Variants in SMOC2 observed in about 807,000 individuals in gnomAD.
The protein encoded by SMOC2 is SPARC related modular calcium binding 2, also known as SPARC-related modular calcium-binding protein 2.
SMOC2 carries 39 observed loss-of-function variants against 61.4 expected under a neutral mutation model. That is an observed-to-expected ratio of 0.64 (90% CI 0.49 to 0.83). The LOEUF is 0.83. SMOC2 is among the 40% of genes least tolerant of loss of function. SMOC2 has a pLI of 0.00. For synonymous variants in SMOC2, 247 were observed against 239.9 expected (o/e 1.03, Z -0.27); for missense variants, 556 against 592.9 (o/e 0.94, Z 0.65).
chr6:168,492,723 A>T (rs894931268), intron 1 of SMOC2, among the ~76,000 whole-genome samples: 2 of 152,226 alleles, frequency 1.3e-5, no homozygotes, highest in Admixed American at 6.5e-5. Flanking sequence ...GTCTCACAGG[A>T]CAAAATGTGG....
chr6:168,553,367 AC>A lies in SMOC2; in HGVS notation c.637+4165del, dbSNP rs1784174112. On this transcript the variant is annotated intron_variant, in intron 7 of 12. Transcript: ENST00000356284. The surrounding 1 kb of genome is among the most constrained non-coding windows in gnomAD (Gnocchi z 4.2). ...TACTCTTTTCATAGAAGATACATAA[AC>A]TAGTTACAAGATTTTATCAGATAAG... Among the ~76,000 whole-genome samples, 1 of 152,210 alleles carries A rather than the reference AC, an allele frequency of 6.6e-6. No homozygotes were observed. The highest frequency in any genetic ancestry group is 1.5e-5 in the Non-Finnish European group (1 of 68,032).
At chr6:168,447,176 C>T (rs1430999769) in intron 1 of SMOC2, among the ~76,000 whole-genome samples, 1 of 152,148 alleles carries the variant, frequency 6.6e-6, no homozygotes, top group Non-Finnish European at 1.5e-5. Flanking sequence ...AAGCGATTCC[C>T]CTGCCTCAGC....
At chr6:168,600,644 C>T (rs552446944) in intron 8 of SMOC2, among the ~76,000 whole-genome samples, 1 of 152,274 alleles carries the variant, frequency 6.6e-6, no homozygotes, top group African/African-American at 2.4e-5. Flanking sequence ...GCATCAAATA[C>T]CAGTGGCAGC....
intron 7 of SMOC2, among the ~76,000 whole-genome samples, chr6:168,550,013 G>A (rs963486868): frequency 7.9e-5 from 12 of 152,192 alleles, no homozygotes; most frequent in Non-Finnish European, 1.3e-4. Context: ...ACATTTTGAA[G>A]ACCAGTAATG....
In SMOC2 at chr6:168,500,994, G is replaced by A. The variant is rs937610162; in HGVS notation, c.85-8921G>A. Among the ~76,000 whole-genome samples the A allele has an allele frequency of 2.5e-4, 38 of 152,192 alleles. 1 individual carries two copies. Among genetic ancestry groups the A allele is most frequent in the Non-Finnish European group, 5.1e-4 (35 of 68,034 alleles). On this transcript the variant is annotated intron_variant, in intron 1 of 12. Transcript: ENST00000356284. ...GAGTGGGCATTGCTTATGAGAGGGG[G>A]AAGTTCAGCTGTGTTACAGTATTTC...
intron 7 of SMOC2, among the ~76,000 whole-genome samples, chr6:168,586,328 T>A (rs1053749134): frequency 6.6e-6 from 1 of 152,230 alleles, no homozygotes; most frequent in Non-Finnish European, 1.5e-5. Context: ...ATAAGCTTTT[T>A]ATTCTTTTCC....
rs569480863 is a variant in SMOC2, at chr6:168,667,867, C to G, written c.*1429C>G. ...AGCCTTTGGAGCCACAGAACCAGCT[C>G]AAGTACATGCCAATGTTGTTTAAGA... On this transcript the variant is annotated 3_prime_UTR_variant, in exon 13 of 13. Coordinates refer to ENST00000356284, the MANE Select transcript of SMOC2 (RefSeq NM_001166412.2). The G allele has an allele frequency of 1.3e-5, 2 of 152,296 alleles. No homozygotes were observed. Among genetic ancestry groups the G allele is most frequent in the South Asian group, 4.1e-4 (2 of 4,830 alleles). The allele number at this position is 152,296 out of a possible 1,614,324, so 9.4% of individuals were successfully genotyped here. A position where few individuals can be genotyped will look rare whatever the true frequency, so the allele number is the denominator to read the frequency against.
chr6:168,532,008 G>A (rs1262510195), intron 4 of SMOC2, among the ~76,000 whole-genome samples: 2 of 152,168 alleles, frequency 1.3e-5, no homozygotes, highest in African/African-American at 4.8e-5. Context: ...ACAAGAAGCC[G>A]GCTCTCGGAG....
intron 2 of SMOC2, among the ~76,000 whole-genome samples, chr6:168,510,349 G>A (rs185314671): frequency 6.6e-6 from 1 of 152,122 alleles, no homozygotes; most frequent in Admixed American, 6.5e-5. Context: ...TTTCCCCAAA[G>A]TCTTCTAAAA....
rs141466630 is a variant in SMOC2 at position 168,644,336 on chromosome 6, G to A, written c.908-6345G>A. Among the ~76,000 whole-genome samples the A allele has an allele frequency of 9.2e-5, 14 of 152,256 alleles. No individual in the cohort carries two copies. The East Asian group carries it at 2.1e-3, about 23-fold the overall frequency. Reference sequence around the variant, plus strand: ...CTTCCCTGCTTTTCTGTACCAGGTCGGTGTGTTTTAAACTGTGAGAATGAG... The same window carrying A: ...CTTCCCTGCTTTTCTGTACCAGGTCAGTGTGTTTTAAACTGTGAGAATGAG... On this transcript the variant is annotated intron_variant, in intron 9 of 12. Coordinates refer to ENST00000356284, the MANE Select transcript of SMOC2 (RefSeq NM_001166412.2).
intron 1 of SMOC2, among the ~76,000 whole-genome samples, chr6:168,505,720 G>C (rs1336281891): frequency 6.6e-6 from 1 of 152,242 alleles, no homozygotes; most frequent in East Asian, 1.9e-4. Context: ...GAAGATTTAG[G>C]TTCTGTGTTC....
At position 168,562,490 on chromosome 6, in the gene SMOC2, G is replaced by C. The variant is rs867363024; in HGVS notation, c.637+13287G>C. Among the ~76,000 whole-genome samples the C allele has an allele frequency of 3.6e-3, 537 of 149,264 alleles. 6 individuals carry two copies. The highest frequency in any genetic ancestry group is 0.012 in the African/African-American group (506 of 40,768). ...TTCCTGCCCTGAGACACGAGGCTCTGACTGCGTTTTCGGAGGAGGTGTTAT... is the reference window on the plus strand; with the variant it reads ...TTCCTGCCCTGAGACACGAGGCTCTCACTGCGTTTTCGGAGGAGGTGTTAT... On this transcript the variant is annotated intron_variant, in intron 7 of 12. Transcript: ENST00000356284.
At chr6:168,585,617 C>G (rs1025048582) in intron 7 of SMOC2, among the ~76,000 whole-genome samples, 11 of 152,318 alleles carry the variant, frequency 7.2e-5, no homozygotes, top group Admixed American at 6.5e-4. Context: ...TTCACACTCA[C>G]AGGAGGAATG....
In SMOC2 at chr6:168,535,827, G is replaced by A. The variant is rs1198850884; in HGVS notation, c.464-7798G>A. On this transcript the variant is annotated intron_variant, in intron 4 of 12. Transcript: ENST00000356284. The surrounding 1 kb of genome is among the most constrained non-coding windows in gnomAD (Gnocchi z 4.6). ...AATGCGCAGTGACAGTGATCCTGGG[G>A]ACACGTGAGGAATAACGCAGCAGTG... 1.3e-5 allele frequency among the ~76,000 whole-genome samples: 2 copies of A among 152,202 alleles called. No individual in the cohort carries two copies. The highest frequency in any genetic ancestry group is 2.9e-5 in the Non-Finnish European group (2 of 68,022).
chr6:168,512,640 G>A (rs927409796), intron 2 of SMOC2, among the ~76,000 whole-genome samples: 1 of 152,204 alleles, frequency 6.6e-6, no homozygotes. Context: ...GGACAGGTTT[G>A]GCAAGCACAG....
intron 1 of SMOC2, among the ~76,000 whole-genome samples, chr6:168,506,021 T>TG (rs1782864731): frequency 6.6e-6 from 1 of 151,962 alleles, no homozygotes; most frequent in African/African-American, 2.4e-5. Context: ...GAATTTTTTT[T>TG]TTTTTGAGAC....
chr6:168,544,524 T>C lies in SMOC2; in HGVS notation c.511+852T>C, dbSNP rs367615442. 5.9e-5 allele frequency among the ~76,000 whole-genome samples: 9 copies of C among 151,832 alleles called. No homozygotes were observed. In the East Asian group the frequency reaches 7.8e-4, roughly 13 times the overall value. ...GCCATCTCTACTAAAAAGACAAAAATTAACCAGGCATGGTGGTGCATGCCT... is the reference window on the plus strand; with the variant it reads ...GCCATCTCTACTAAAAAGACAAAAACTAACCAGGCATGGTGGTGCATGCCT... On this transcript the variant is annotated intron_variant, in intron 5 of 12. Transcript: ENST00000356284. The surrounding 1 kb of genome is among the most constrained non-coding windows in gnomAD (Gnocchi z 4.1).
chr6:168,516,630 A>G (rs892192945), intron 2 of SMOC2, among the ~76,000 whole-genome samples: 13 of 120,122 alleles, frequency 1.1e-4, no homozygotes, highest in African/African-American at 4.5e-4. Context: ...TCTGGCACAC[A>G]TGAGGCCCAC....
chr6:168,536,317 G>A (rs928150521), intron 4 of SMOC2, among the ~76,000 whole-genome samples: 1 of 152,126 alleles, frequency 6.6e-6, no homozygotes, highest in African/African-American at 2.4e-5. Flanking sequence ...GGTGAGGGAC[G>A]TCTTGCCTGC....
Sources: allele counts gnomAD v4.1 joint callset (sites outside exome capture counted in the v4.1 genomes callset), GRCh38; gene constraint gnomAD v4.1.1; non-coding constraint Gnocchi (gnomAD v3.1); transcripts MANE v1.5; gene names NCBI Gene and HGNC (gene_info 2026-07-23, HGNC 2026-07-21).